Variants in EVC2 observed in about 807,000 individuals in gnomAD.
EVC2 encodes the protein limbin.
A neutral mutation model predicts 149.3 loss-of-function variants in EVC2; 148 were observed. The observed-to-expected ratio is 0.99, with a 90% CI of 0.87 to 1.14. The LOEUF (loss-of-function observed/expected upper bound fraction) is 1.14, where lower values mean the gene tolerates loss of function less well. Ranked by LOEUF, EVC2 falls within the 50% of genes most tolerant of loss-of-function variation. The pLI is 0.00. For synonymous variants in EVC2, 776 were observed against 649.9 expected, an observed-to-expected ratio of 1.19 and a Z score of -2.95; for missense variants, 1,854 against 1,627.3, an observed-to-expected ratio of 1.14 and a Z score of -2.40.
Position 5,568,523 on chromosome 4 carries a change from C to A in EVC2, c.3478G>T (p.Asp1160Tyr), listed in dbSNP as rs750271891. 2 of 1,592,556 alleles carry A rather than the reference C, an allele frequency of 1.3e-6. No homozygotes were observed. The highest frequency in any genetic ancestry group is 1.1e-5 in the South Asian group (1 of 87,506). ...TCCACATGTCTCTCGGTGGCCGAAT[C>A]CAGCAGGGCCAGCAGCTGAGGCTGT... ...ASQPQLLALL[D>Y]SATERHVDHA... Residue 1160 changes from aspartate to tyrosine, a missense_variant, in exon 20 of 22, where the codon GAT becomes TAT. Coordinates refer to ENST00000344408, the MANE Select transcript of EVC2 (RefSeq NM_147127.5).
intron 14 of EVC2, among the ~76,000 whole-genome samples, chr4:5,619,067 C>T (rs1162051143): frequency 6.6e-6 from 1 of 152,194 alleles, no homozygotes; most frequent in Non-Finnish European, 1.5e-5. Flanking sequence ...AGAGGAGAGA[C>T]ACACAAAACT....
intron 16 of EVC2, among the ~76,000 whole-genome samples, chr4:5,610,614 G>A (rs919190917): frequency 2.0e-5 from 3 of 151,960 alleles, no homozygotes; most frequent in Admixed American, 1.3e-4. Flanking sequence ...GCAGGGGAGG[G>A]TGCCAAGACA....
chr4:5,665,018 C>T (rs1181035770), intron 8 of EVC2, among the ~76,000 whole-genome samples: 2 of 138,284 alleles, frequency 1.4e-5, no homozygotes, highest in African/African-American at 2.7e-5. Context: ...GTGTGGGTGA[C>T]GGGATGCGTG....
chr4:5,536,137 C>G, the EVC2 span, among the ~76,000 whole-genome samples: 2 of 152,164 alleles, frequency 1.3e-5, no homozygotes, highest in African/African-American at 4.8e-5. Context: ...CAAGGTTCAC[C>G]ATATCCAACT....
chr4:5,590,254 G>A (rs1025396779), intron 16 of EVC2, among the ~76,000 whole-genome samples: 1 of 152,198 alleles, frequency 6.6e-6, no homozygotes, highest in African/African-American at 2.4e-5. Context: ...AAGGGCAAGA[G>A]AGCTGGATGT....
Position 5,708,470 on chromosome 4 carries a change from GC to G in EVC2, c.43del (p.Ala15ProfsTer46). On this transcript the variant is annotated frameshift_variant, in exon 1 of 22. Transcript: ENST00000344408. LOFTEE classifies it high-confidence loss of function. ...GSRGRPTWVL[A>X]GGLLAVALAL... ...CAGGGCCACTGCCAGGAGACCCCCG[GC>G]CAGCACCCACGTGGGGCGCCCCCGG... 1 of 1,502,608 alleles carries G rather than the reference GC, an allele frequency of 6.7e-7. No individual in the cohort carries two copies. The highest frequency in any genetic ancestry group is 8.8e-7 in the Non-Finnish European group (1 of 1,133,350). The allele number at this position is 1,502,608 out of a possible 1,614,324, so 93.1% of individuals were successfully genotyped here. A position where few individuals can be genotyped will look rare whatever the true frequency, so the allele number is the denominator to read the frequency against.
downstream of EVC2, among the ~76,000 whole-genome samples, chr4:5,560,056 T>C (rs2108763250): frequency 6.6e-6 from 1 of 151,762 alleles, no homozygotes; most frequent in Middle Eastern, 3.4e-3. This position sits in a 1 kb window ranked among gnomAD's most constrained non-coding sequence, Gnocchi z 4.1. Flanking sequence ...CACCTTGCAT[T>C]TACCAATTAT....
At chr4:5,532,290 T>G in the EVC2 span, among the ~76,000 whole-genome samples, 1 of 152,126 alleles carries the variant, frequency 6.6e-6, no homozygotes, top group Non-Finnish European at 1.5e-5. Flanking sequence ...TGTTCAGGCT[T>G]TCAACTGATT....
At chr4:5,539,564 G>A (rs1360252050), downstream of EVC2, among the ~76,000 whole-genome samples, 1 of 152,136 alleles carries the variant, frequency 6.6e-6, no homozygotes, top group Non-Finnish European at 1.5e-5. Flanking sequence ...ATCAGGAAAT[G>A]GTGCTATTGG....
At chr4:5,615,584 C>G in intron 15 of EVC2, 40 bp from the exon 16 acceptor site, 3 of 1,613,950 alleles carry the variant, frequency 1.9e-6, no homozygotes, top group Non-Finnish European at 2.5e-6. Context: ...AGAAGGCAAT[C>G]ACCAGCAAGT....
chr4:5,545,913 T>A (rs60546747), intron 21 of EVC2, among the ~76,000 whole-genome samples: 7,823 of 152,222 alleles, frequency 0.051, 407 homozygotes, highest in African/African-American at 0.13. Flanking sequence ...CTGGAAAAGC[T>A]CTTAAAAGGG....
chr4:5,706,514 G>T (rs1026714923), intron 1 of EVC2, among the ~76,000 whole-genome samples: 2 of 150,086 alleles, frequency 1.3e-5, no homozygotes, highest in Non-Finnish European at 3.0e-5. Flanking sequence ...ATGGTATCAA[G>T]TAATTACATG....
intron 21 of EVC2, among the ~76,000 whole-genome samples, chr4:5,544,845 G>T (rs1721583160): frequency 6.6e-6 from 1 of 152,130 alleles, no homozygotes; most frequent in African/African-American, 2.4e-5. Context: ...AGGACATACA[G>T]ATCCAGCCCT....
intron 16 of EVC2, among the ~76,000 whole-genome samples, chr4:5,592,473 G>A (rs889831112): frequency 3.3e-5 from 5 of 152,160 alleles, no homozygotes; most frequent in Admixed American, 2.0e-4. Context: ...AGAGAGCCCC[G>A]CCAAATACCA....
At chr4:5,592,540 A>AG (rs1172157289) in intron 16 of EVC2, among the ~76,000 whole-genome samples, 5 of 152,238 alleles carry the variant, frequency 3.3e-5, no homozygotes, top group African/African-American at 1.2e-4. Flanking sequence ...CCTCTTTAAA[A>AG]TAATAATTGG....
At chr4:5,604,931 A>C (rs1714267086) in intron 16 of EVC2, among the ~76,000 whole-genome samples, 1 of 151,650 alleles carries the variant, frequency 6.6e-6, no homozygotes. Context: ...CCGAGACAGC[A>C]AGACCAATCC....
Position 5,696,504 on chromosome 4 carries a change from G to A in EVC2, c.283+1089C>T, listed in dbSNP as rs905820650. Among the ~76,000 whole-genome samples the A allele has an allele frequency of 1.3e-5, 2 of 152,200 alleles. No individual in the cohort carries two copies. Among genetic ancestry groups the A allele is most frequent in the African/African-American group, 2.4e-5 (1 of 41,456 alleles). ...GCCGGGGACCCACGCTGAGCCCAGGGGCCTGCACTGGAACTGTCACAGCCG... is the reference window on the plus strand; with the variant it reads ...GCCGGGGACCCACGCTGAGCCCAGGAGCCTGCACTGGAACTGTCACAGCCG... On this transcript the variant is annotated intron_variant, in intron 2 of 21. Transcript: ENST00000344408. The surrounding 1 kb of genome is among the most constrained non-coding windows in gnomAD (Gnocchi z 4.1).
chr4:5,589,670 T>C (rs955072519), intron 16 of EVC2, among the ~76,000 whole-genome samples: 2 of 151,996 alleles, frequency 1.3e-5, no homozygotes, highest in African/African-American at 4.8e-5. Context: ...CCTTTATTTT[T>C]TATTTCTTAG....
At position 5,653,481 on chromosome 4, in the gene EVC2, G is replaced by A. The variant is rs142399595; in HGVS notation, c.1145+9626C>T. Among the ~76,000 whole-genome samples the A allele has an allele frequency of 2.3e-3, 352 of 152,306 alleles. 2 individuals carry two copies. The highest frequency in any genetic ancestry group is 7.3e-3 in the African/African-American group (303 of 41,584). On this transcript the variant is annotated intron_variant, in intron 9 of 21. Transcript: ENST00000344408. Reference sequence around the variant, plus strand: ...TAAGATTCTGTTTTCCTGGGAAGGTGTAAACTGCTTTATCTTCAGGTTAGC... The same window carrying A: ...TAAGATTCTGTTTTCCTGGGAAGGTATAAACTGCTTTATCTTCAGGTTAGC...
Sources: allele counts gnomAD v4.1 joint callset (sites outside exome capture counted in the v4.1 genomes callset), GRCh38; gene constraint gnomAD v4.1.1; non-coding constraint Gnocchi (gnomAD v3.1); transcripts MANE v1.5; gene names NCBI Gene and HGNC (gene_info 2026-07-23, HGNC 2026-07-21).